The following LINGO2 variants were observed in gnomAD, a reference collection of about 807,000 sequenced individuals.
LINGO2 encodes the protein leucine-rich repeat and immunoglobulin-like domain-containing nogo receptor-interacting protein 2.
In LINGO2, 14 loss-of-function variants were observed where a neutral mutation model predicts 30.6. The ratio of observed to expected loss-of-function variants is 0.46; its 90% CI spans 0.30 to 0.72. The LOEUF is 0.72. LINGO2 is among the 30% of genes least tolerant of loss of function. The pLI, the probability that LINGO2 is intolerant of heterozygous loss-of-function variation, is 0.07. For synonymous variants in LINGO2, 317 were observed against 288.5 expected (o/e 1.10, Z -1.00); for missense variants, 729 against 751.7 (o/e 0.97, Z 0.35).
intron 4 of LINGO2, among the ~76,000 whole-genome samples, chr9:28,065,913 C>A (rs569697057): frequency 7.2e-5 from 11 of 152,226 alleles, no homozygotes; most frequent in African/African-American, 2.6e-4. Flanking sequence ...CAGGGAACAA[C>A]TGACTCACCT....
chr9:28,143,163 A>G (rs559546303), intron 4 of LINGO2, among the ~76,000 whole-genome samples: 2 of 152,316 alleles, frequency 1.3e-5, no homozygotes, highest in Non-Finnish European at 2.9e-5. Context: ...TAACTGCTAC[A>G]AAAGCATTAA....
the LINGO2 span, among the ~76,000 whole-genome samples, chr9:28,748,620 T>C: frequency 2.0e-5 from 3 of 152,044 alleles, no homozygotes; most frequent in Non-Finnish European, 4.4e-5. Flanking sequence ...ACTCATCAGA[T>C]TCTGTTTTCT....
intron 4 of LINGO2, among the ~76,000 whole-genome samples, chr9:28,073,579 G>T (rs1825542644): frequency 6.6e-6 from 1 of 152,248 alleles, no homozygotes; most frequent in African/African-American, 2.4e-5. Context: ...ATACATTCTT[G>T]TTCGTTTACA....
chr9:28,493,823 T>G (rs974382291), intron 1 of LINGO2, among the ~76,000 whole-genome samples: 1 of 152,162 alleles, frequency 6.6e-6, no homozygotes, highest in African/African-American at 2.4e-5. Flanking sequence ...TGGAAGAACG[T>G]GCAAAGACTA....
chr9:28,374,413 A>T (rs903585939), intron 2 of LINGO2, among the ~76,000 whole-genome samples: 14 of 152,068 alleles, frequency 9.2e-5, no homozygotes, highest in African/African-American at 3.4e-4. Context: ...GTAACAACAT[A>T]GAAAGAAGGA....
At chr9:29,139,245 A>C in the LINGO2 span, among the ~76,000 whole-genome samples, 1 of 152,172 alleles carries the variant, frequency 6.6e-6, no homozygotes, top group Non-Finnish European at 1.5e-5. Context: ...GAGATGTCTG[A>C]AGCCCTAGCC....
chr9:28,626,826 T>TG (rs1554647197), intron 1 of LINGO2, among the ~76,000 whole-genome samples: 25,716 of 150,546 alleles, frequency 0.17, 2,989 homozygotes, highest in African/African-American at 0.31. Flanking sequence ...AAAAATTCTA[T>TG]TGTGTGTGTG....
chr9:28,429,531 T>C (rs1823560711), intron 2 of LINGO2, among the ~76,000 whole-genome samples: 2 of 152,116 alleles, frequency 1.3e-5, no homozygotes, highest in Non-Finnish European at 1.5e-5. Flanking sequence ...GAGCTGTGCA[T>C]AACTGATGAT....
the LINGO2 span, among the ~76,000 whole-genome samples, chr9:29,167,917 C>T: frequency 6.6e-6 from 1 of 152,090 alleles, no homozygotes. Context: ...ACCAAGAGGC[C>T]ACTCCACAGT....
chr9:28,993,903 C>A, the LINGO2 span, among the ~76,000 whole-genome samples: 1 of 151,956 alleles, frequency 6.6e-6, no homozygotes, highest in Non-Finnish European at 1.5e-5. Flanking sequence ...AGACCCACAG[C>A]CAATATCATA....
At chr9:29,202,174 G>C in the LINGO2 span, among the ~76,000 whole-genome samples, 2 of 151,550 alleles carry the variant, frequency 1.3e-5, no homozygotes, top group Non-Finnish European at 3.0e-5. Context: ...ATAGGCCAAT[G>C]AACAAAAATA....
At chr9:28,731,931 T>A in the LINGO2 span, among the ~76,000 whole-genome samples, 1 of 152,154 alleles carries the variant, frequency 6.6e-6, no homozygotes, top group Non-Finnish European at 1.5e-5. Context: ...ATACAGATCA[T>A]TCTAGAACTT....
chr9:28,558,430 G>T (rs1266219472), intron 1 of LINGO2, among the ~76,000 whole-genome samples: 1 of 151,934 alleles, frequency 6.6e-6, no homozygotes, highest in Non-Finnish European at 1.5e-5. Context: ...TTTCAGTTTT[G>T]TATTCCTATC....
intron 4 of LINGO2, among the ~76,000 whole-genome samples, chr9:28,231,178 C>T (rs1452487663): frequency 1.3e-5 from 2 of 151,446 alleles, no homozygotes; most frequent in African/African-American, 4.8e-5. Context: ...AAAAATACTA[C>T]CTTTATGAAC....
intron 4 of LINGO2, among the ~76,000 whole-genome samples, chr9:28,133,420 C>A (rs1046452069): frequency 6.6e-6 from 1 of 151,998 alleles, no homozygotes; most frequent in African/African-American, 2.4e-5. Flanking sequence ...TCATGTAGAG[C>A]TGTCAATTAG....
At chr9:28,364,587 G>T (rs983076025) in intron 3 of LINGO2, among the ~76,000 whole-genome samples, 2 of 152,068 alleles carry the variant, frequency 1.3e-5, no homozygotes, top group Non-Finnish European at 2.9e-5. Flanking sequence ...CTGACTGCTT[G>T]GTTTAAATTG....
At chr9:28,808,420 ATAT>A in the LINGO2 span, among the ~76,000 whole-genome samples, 1 of 152,210 alleles carries the variant, frequency 6.6e-6, no homozygotes, top group Non-Finnish European at 1.5e-5. Context: ...TTCTATAAAG[ATAT>A]TATCTAAACA....
chr9:28,899,161 C>T, the LINGO2 span, among the ~76,000 whole-genome samples: 1 of 152,152 alleles, frequency 6.6e-6, no homozygotes, highest in African/African-American at 2.4e-5. Flanking sequence ...ATAAGAAGAA[C>T]AGTTTTACAT....
the LINGO2 span, among the ~76,000 whole-genome samples, chr9:28,969,316 G>GA: frequency 1.3e-5 from 2 of 151,924 alleles, no homozygotes; most frequent in Admixed American, 6.6e-5. Flanking sequence ...AATATCTGAG[G>GA]AAAAAAAATC....
Sources: allele counts gnomAD v4.1 joint callset (sites outside exome capture counted in the v4.1 genomes callset), GRCh38; gene constraint gnomAD v4.1.1; transcripts MANE v1.5; gene names NCBI Gene and HGNC (gene_info 2026-07-23, HGNC 2026-07-21).